SREBF2: variants seen among roughly 807,000 people sequenced by gnomAD.
The protein encoded by SREBF2 is sterol regulatory element binding transcription factor 2, also known as sterol regulatory element-binding protein 2.
SREBF2 carries 55 observed loss-of-function variants against 113.1 expected under a neutral mutation model. That is an observed-to-expected ratio of 0.49 (90% CI 0.39 to 0.61). SREBF2 has a LOEUF of 0.61. Ranked by LOEUF, SREBF2 falls within the 20% of genes least tolerant of loss-of-function variation. SREBF2 has a pLI of 0.00. For missense variants in SREBF2, 1,349 were observed against 1,487.4 expected (o/e 0.91, Z 1.53); for synonymous variants, 593 against 605.7 (o/e 0.98, Z 0.31).
chr22:41,897,093 C>G lies in SREBF2; in HGVS notation c.2537C>G (p.Ser846Cys). 1 of 1,613,146 alleles carries G rather than the reference C, an allele frequency of 6.2e-7. No individual in the cohort carries two copies. Among genetic ancestry groups the G allele is most frequent in the African/African-American group, 1.3e-5 (1 of 74,968 alleles). The change falls in exon 14 of 19, where the codon TCT becomes TGT. Residue 846 changes from serine (S) to cysteine (C), a missense_variant. By Grantham distance (112) the Ser-to-Cys change is moderately radical. Around this residue, in one of 2 missense-constraint regions of SREBF2, gnomAD observed 650 missense variants for 644.1 expected, o/e 1.01. Coordinates refer to ENST00000361204, the MANE Select transcript of SREBF2 (RefSeq NM_004599.4). ...CTGGAGTACTTGAAATTACTTCATT[C>G]TTTTGTGGACTCTGTGGGGGTTATG... ...SALEYLKLLH[S>C]FVDSVGVMSP...
At chr22:41,854,623 C>A (rs2076961216) in intron 1 of SREBF2, among the ~76,000 whole-genome samples, 1 of 151,702 alleles carries the variant, frequency 6.6e-6, no homozygotes, top group African/African-American at 2.4e-5. Context: ...AATCCCAGCA[C>A]TTTGGGAGGC....
chr22:41,864,992 T>C (rs946852726), intron 1 of SREBF2, among the ~76,000 whole-genome samples: 1 of 152,126 alleles, frequency 6.6e-6, no homozygotes, highest in Non-Finnish European at 1.5e-5. Context: ...TTGCCCAGGC[T>C]GTTCTCAAAC....
At chr22:41,841,235 T>C (rs531606004) in intron 1 of SREBF2, among the ~76,000 whole-genome samples, 1 of 152,330 alleles carries the variant, frequency 6.6e-6, no homozygotes, top group Non-Finnish European at 1.5e-5. Context: ...GAAAAACTGC[T>C]CAGTGAGATG....
chr22:41,874,080 T>G, intron 5 of SREBF2, 61 bp downstream of exon 5: 1 of 1,582,676 alleles, frequency 6.3e-7, no homozygotes, highest in East Asian at 2.2e-5. Context: ...TGTTTTTGCC[T>G]CAGGAGCCTA....
intron 11 of SREBF2, among the ~76,000 whole-genome samples, chr22:41,889,252 G>A (rs1392028953): frequency 6.6e-6 from 1 of 151,900 alleles, no homozygotes; most frequent in Non-Finnish European, 1.5e-5. Flanking sequence ...TCACCCTCCC[G>A]AGTAGCTGGG....
rs998070438 is a variant in SREBF2 at position 41,876,072 on chromosome 22, C to T, written c.1386+348C>T. 1.3e-5 allele frequency among the ~76,000 whole-genome samples: 2 copies of T among 152,238 alleles called. 1 individual carries two copies. Among genetic ancestry groups the T allele is most frequent in the South Asian group, 4.1e-4 (2 of 4,834 alleles). On this transcript the variant is annotated intron_variant, in intron 7 of 18. Coordinates refer to ENST00000361204, the MANE Select transcript of SREBF2 (RefSeq NM_004599.4). ...GCCTTTAATGGGCCTGGCAAGACCA[C>T]TTTGGGAGGCTGATCAGTTGGTTTA...
At chr22:41,899,109 A>G in intron 15 of SREBF2, 1 of 748,564 alleles carries the variant, frequency 1.3e-6, no homozygotes, top group Non-Finnish European at 1.9e-6. Context: ...CATCTTCAGA[A>G]GCTTTGTGGT....
intron 12 of SREBF2, 39 bp from the exon 13 acceptor site, chr22:41,894,781 T>G: frequency 1.1e-4 from 173 of 1,562,302 alleles, no homozygotes; most frequent in Non-Finnish European, 1.4e-4. Context: ...GGCTCATAAA[T>G]GAGCTCCATT....
chr22:41,860,123 T>G (rs2077013689), intron 1 of SREBF2, among the ~76,000 whole-genome samples: 1 of 151,998 alleles, frequency 6.6e-6, no homozygotes. Context: ...GATTCTTAAT[T>G]GCTATGTCAT....
At chr22:41,879,166 A>T (rs558977253) in intron 9 of SREBF2, among the ~76,000 whole-genome samples, 9 of 152,318 alleles carry the variant, frequency 5.9e-5, no homozygotes, top group Admixed American at 5.2e-4. Context: ...TGGCTGAGTC[A>T]GGGGGCTCTA....
chr22:41,902,984 C>G lies in SREBF2; in HGVS notation c.2922C>G (p.Leu974=). ...TGACCCCACAGGTGGTCCAGCTGCT[C>G]ACCTGTGACCTGCTACTGTCGCTAC... ...DPALNHVVQL[L]TCDLLLSLRT... is the part of the protein sequence containing the mutation. Residue 974 remains leucine (L), a synonymous_variant, in exon 17 of 19, where the codon CTC becomes CTG. Coordinates refer to ENST00000361204, the MANE Select transcript of SREBF2 (RefSeq NM_004599.4). 6 of 1,610,936 alleles carry G rather than the reference C, an allele frequency of 3.7e-6. No homozygotes were observed. Among genetic ancestry groups the G allele is most frequent in the Non-Finnish European group, 5.1e-6 (6 of 1,178,876 alleles).
intron 1 of SREBF2, among the ~76,000 whole-genome samples, chr22:41,849,819 C>T (rs1186401545): frequency 2.0e-5 from 3 of 152,164 alleles, no homozygotes; most frequent in Non-Finnish European, 4.4e-5. Flanking sequence ...GATTGATCTT[C>T]CATCAGCATT....
At chr22:41,862,765 T>A (rs1001671578) in intron 1 of SREBF2, among the ~76,000 whole-genome samples, 1 of 152,216 alleles carries the variant, frequency 6.6e-6, no homozygotes, top group African/African-American at 2.4e-5. Context: ...CGTGCCCTTC[T>A]GGAGCTTCCC....
In SREBF2 at chr22:41,880,953, G is replaced by T. The variant is rs199856530; in HGVS notation, c.1999G>T (p.Ala667Ser). ...DEAKTSARDA[A>S]LAYHRLHQLH... ...AGCTAAGACCAGCGCCCGGGATGCG[G>T]CTCTGGCCTATCACCGGCTGCACCA... The change falls in exon 10 of 19, where the codon GCT becomes TCT. Residue 667 changes from alanine (A) to serine (S), a missense_variant. Transcript: ENST00000361204. 2.5e-6 allele frequency: 4 copies of T among 1,611,100 alleles called. No individual in the cohort carries two copies. Among genetic ancestry groups the T allele is most frequent in the Non-Finnish European group, 3.4e-6 (4 of 1,180,012 alleles).
chr22:41,873,670 G>C, intron 4 of SREBF2, 128 bp from the exon 5 acceptor site: 2 of 913,170 alleles, frequency 2.2e-6, no homozygotes, highest in Non-Finnish European at 3.5e-6. Flanking sequence ...AACCCAGGAA[G>C]AGTCTCAGAC....
intron 4 of SREBF2, among the ~76,000 whole-genome samples, 177 bp downstream of exon 4, chr22:41,871,212 A>G (rs1161642858): frequency 6.6e-6 from 1 of 152,212 alleles, no homozygotes; most frequent in African/African-American, 2.4e-5. Context: ...AGTATTAGCA[A>G]TGTGTGTTCG....
intron 5 of SREBF2, 26 bp from the exon 6 acceptor site, chr22:41,875,311 G>A: frequency 1.9e-6 from 3 of 1,596,248 alleles, no homozygotes; most frequent in Non-Finnish European, 2.6e-6. Flanking sequence ...TGGTCTCACT[G>A]TGTTTTCACT....
At chr22:41,849,440 C>T (rs2076906827) in intron 1 of SREBF2, among the ~76,000 whole-genome samples, 1 of 152,158 alleles carries the variant, frequency 6.6e-6, no homozygotes, top group African/African-American at 2.4e-5. Context: ...GGTGATCCTC[C>T]CGCCTTAGCC....
At position 41,897,139 on chromosome 22, in the gene SREBF2, C is replaced by T. The variant is rs2077423806; in HGVS notation, c.2583C>T (p.Ser861=). ...TTATGAGCCCCCCACTCTCCAGGAGCTCCGTGCTCAAGTCCGCCCTGGGTA... is the reference window on the plus strand; with the variant it reads ...TTATGAGCCCCCCACTCTCCAGGAGTTCCGTGCTCAAGTCCGCCCTGGGTA... The part of the protein sequence containing the change: ...VGVMSPPLSR[S]SVLKSALGPD... The change falls in exon 14 of 19, where the codon AGC becomes AGT. Residue 861 remains serine, a synonymous_variant. Coordinates refer to ENST00000361204, the MANE Select transcript of SREBF2 (RefSeq NM_004599.4). 1 of 1,611,766 alleles carries T rather than the reference C, an allele frequency of 6.2e-7. No individual in the cohort carries two copies. Among genetic ancestry groups the T allele is most frequent in the Non-Finnish European group, 8.5e-7 (1 of 1,179,672 alleles).
Sources: gnomAD v4.1 joint callset for allele counts (sites outside exome capture counted in the v4.1 genomes callset) on GRCh38, gnomAD v4.1.1 for gene constraint, gnomAD v4.1.1 regional missense constraint, MANE v1.5 for transcripts, NCBI Gene and HGNC (gene_info 2026-07-23, HGNC 2026-07-21) for gene names.